MTHFD1L: variants seen among roughly 807,000 people sequenced by gnomAD.
The protein encoded by MTHFD1L is methylenetetrahydrofolate dehydrogenase (NADP+ dependent) 1 like, also known as monofunctional C1-tetrahydrofolate synthase, mitochondrial.
In MTHFD1L, 81 loss-of-function variants were observed where a neutral mutation model predicts 119.5. That is an observed-to-expected ratio of 0.68 (90% CI 0.57 to 0.82). The LOEUF (loss-of-function observed/expected upper bound fraction) is 0.82, where lower values mean the gene tolerates loss of function less well. Ranked by LOEUF, MTHFD1L falls within the 40% of genes least tolerant of loss-of-function variation. The pLI, the probability that MTHFD1L is intolerant of heterozygous loss-of-function variation, is 0.00. For synonymous variants in MTHFD1L, 430 were observed against 475.2 expected (o/e 0.90, Z 1.24); for missense variants, 1,125 against 1,253.4 (o/e 0.90, Z 1.55).
chr6:151,047,830 C>T (rs1470913998), intron 26 of MTHFD1L, among the ~76,000 whole-genome samples: 1 of 152,170 alleles, frequency 6.6e-6, no homozygotes, highest in Non-Finnish European at 1.5e-5. Context: ...CTGTAAAGAA[C>T]TACCTGAGAC....
chr6:151,010,627 A>G (rs1134507), intron 21 of MTHFD1L, among the ~76,000 whole-genome samples: 4,262 of 152,264 alleles, frequency 0.028, 219 homozygotes, highest in African/African-American at 0.096. Flanking sequence ...TAAAGGAAAT[A>G]TATTCCTTTC....
intron 8 of MTHFD1L, among the ~76,000 whole-genome samples, chr6:150,910,504 G>A (rs903117563): frequency 2.6e-5 from 4 of 151,332 alleles, no homozygotes; most frequent in South Asian, 2.1e-4. Context: ...TGGAGGTTAC[G>A]GTGAGCTGAG....
intron 5 of MTHFD1L, 109 bp downstream of exon 5, chr6:150,882,995 T>G (rs1781611823): frequency 2.7e-6 from 3 of 1,113,120 alleles, no homozygotes; most frequent in Admixed American, 3.6e-5. Context: ...GTGTCAGTAA[T>G]TGGATAAAAA....
At chr6:150,896,752 C>T (rs535248413) in intron 7 of MTHFD1L, among the ~76,000 whole-genome samples, 108 of 152,190 alleles carry the variant, frequency 7.1e-4, no homozygotes, top group African/African-American at 2.5e-3. Flanking sequence ...ATTCATTATA[C>T]TTAGCAGTGT....
At chr6:150,964,583 G>C (rs532603731) in intron 18 of MTHFD1L, among the ~76,000 whole-genome samples, 5 of 152,188 alleles carry the variant, frequency 3.3e-5, no homozygotes, top group East Asian at 3.9e-4. Context: ...CCTTGTTTCT[G>C]TTCTTCACCT....
At chr6:150,969,512 C>A (rs1345066889) in intron 19 of MTHFD1L, among the ~76,000 whole-genome samples, 168 of 126,540 alleles carry the variant, frequency 1.3e-3, no homozygotes, top group East Asian at 1.6e-3. Context: ...GACCCTGCCT[C>A]AAAAAAAAAA....
At chr6:150,920,011 C>T (rs926327959) in intron 9 of MTHFD1L, among the ~76,000 whole-genome samples, 1 of 152,132 alleles carries the variant, frequency 6.6e-6, no homozygotes, top group African/African-American at 2.4e-5. Context: ...TATTTCATTC[C>T]TCACTGGCCA....
intron 14 of MTHFD1L, 83 bp downstream of exon 14, chr6:150,944,676 G>A (rs1412267241): frequency 1.2e-5 from 12 of 985,608 alleles, no homozygotes; most frequent in Non-Finnish European, 1.7e-5. Flanking sequence ...AAAGAATTCT[G>A]GTGTCTGCAA....
At chr6:150,910,758 T>G (rs570203880) in intron 8 of MTHFD1L, among the ~76,000 whole-genome samples, 1 of 152,194 alleles carries the variant, frequency 6.6e-6, no homozygotes, top group Admixed American at 6.6e-5. Flanking sequence ...CTGGTCCACT[T>G]CCTGCATTCC....
intron 19 of MTHFD1L, among the ~76,000 whole-genome samples, chr6:150,968,264 C>T (rs1295247154): frequency 1.3e-5 from 2 of 151,826 alleles, no homozygotes; most frequent in African/African-American, 2.4e-5. Context: ...TGTTCACCAC[C>T]GTATCTCCAG....
At chr6:151,082,883 A>G (rs926027651) in intron 26 of MTHFD1L, among the ~76,000 whole-genome samples, 1 of 152,194 alleles carries the variant, frequency 6.6e-6, no homozygotes, top group Non-Finnish European at 1.5e-5. Context: ...CAATTCGTAT[A>G]GGGTAGAGTC....
intron 20 of MTHFD1L, among the ~76,000 whole-genome samples, chr6:150,996,019 A>G (rs1779768761): frequency 6.6e-6 from 1 of 152,202 alleles, no homozygotes; most frequent in Non-Finnish European, 1.5e-5. Flanking sequence ...AAATAAGCCA[A>G]AACAACAAAA....
chr6:151,089,466 G>A (rs893241522), intron 26 of MTHFD1L, among the ~76,000 whole-genome samples: 2 of 152,174 alleles, frequency 1.3e-5, no homozygotes, highest in African/African-American at 4.8e-5. Flanking sequence ...AGCCGGGCAT[G>A]GTGGCAGGTG....
chr6:151,050,815 G>A (rs1057169082), intron 26 of MTHFD1L, among the ~76,000 whole-genome samples: 2 of 152,126 alleles, frequency 1.3e-5, no homozygotes, highest in Non-Finnish European at 2.9e-5. Flanking sequence ...GGTTTGAGGA[G>A]AGCTTTTCCC....
At chr6:150,886,676 G>A (rs1408995015) in intron 6 of MTHFD1L, among the ~76,000 whole-genome samples, 1 of 151,746 alleles carries the variant, frequency 6.6e-6, no homozygotes, top group African/African-American at 2.4e-5. Context: ...ATATTTAAGG[G>A]CTTTCTGAGA....
At chr6:151,069,125 G>A (rs770227152) in intron 26 of MTHFD1L, among the ~76,000 whole-genome samples, 4 of 152,180 alleles carry the variant, frequency 2.6e-5, no homozygotes, top group Non-Finnish European at 5.9e-5. Flanking sequence ...GGGGGCAAGA[G>A]GGATGGAATG....
intron 4 of MTHFD1L, among the ~76,000 whole-genome samples, chr6:150,878,819 A>G (rs980771627): frequency 6.6e-6 from 1 of 152,190 alleles, no homozygotes; most frequent in African/African-American, 2.4e-5. Context: ...TTTGAGTCCT[A>G]TGGAGAAGAG....
At chr6:150,969,180 C>T (rs1296749588) in intron 19 of MTHFD1L, among the ~76,000 whole-genome samples, 1 of 152,110 alleles carries the variant, frequency 6.6e-6, no homozygotes, top group Non-Finnish European at 1.5e-5. Flanking sequence ...CAGGGTTTCA[C>T]CATGTTGGCC....
chr6:151,047,057 C>T lies in MTHFD1L; in HGVS notation c.2847+9940C>T, dbSNP rs142901616. Among the ~76,000 whole-genome samples, 520 of 152,008 alleles carry T rather than the reference C, an allele frequency of 3.4e-3. 2 individuals carry two copies. Among genetic ancestry groups the T allele is most frequent in the Non-Finnish European group, 5.6e-3 (380 of 68,008 alleles). On this transcript the variant is annotated intron_variant, in intron 26 of 27. Transcript: ENST00000367321. Reference sequence around the variant, plus strand: ...GTATGTGTTCCTTAAATTATCCACCCGCAGATATCAGATTACAATAAGTCC... The same window carrying T: ...GTATGTGTTCCTTAAATTATCCACCTGCAGATATCAGATTACAATAAGTCC...
Sources: gnomAD v4.1 joint callset for allele counts (sites outside exome capture counted in the v4.1 genomes callset) on GRCh38, gnomAD v4.1.1 for gene constraint, MANE v1.5 for transcripts, NCBI Gene and HGNC (gene_info 2026-07-23, HGNC 2026-07-21) for gene names.